CNKSR2: variants seen among roughly 807,000 people sequenced by gnomAD.
CNKSR2 encodes connector enhancer of kinase suppressor of Ras 2.
In CNKSR2, 14 loss-of-function variants were observed where a neutral mutation model predicts 84.4. That is an observed-to-expected ratio of 0.17 (90% CI 0.11 to 0.26). The LOEUF (loss-of-function observed/expected upper bound fraction) is 0.26. Ranked by LOEUF, CNKSR2 falls within the 10% of genes least tolerant of loss-of-function variation. The probability of loss-of-function intolerance (pLI) is 1.00; values close to 1 mark genes in which losing one functional copy is unlikely to be tolerated. For synonymous variants in CNKSR2, 275 were observed against 277.9 expected, an observed-to-expected ratio of 0.99 and a Z score of 0.10; for missense variants, 485 against 771.2, an observed-to-expected ratio of 0.63 and a Z score of 4.40.
intron 4 of CNKSR2, among the ~76,000 whole-genome samples, chrX:21,443,901 T>C (rs887873829): frequency 7.2e-5 from 8 of 111,688 alleles, no homozygotes; most frequent in African/African-American, 2.6e-4. Context: ...TTCTATTCAC[T>C]TGTGTTACCT....
intron 1 of CNKSR2, chrX:21,424,741 A>G (rs2090543153): frequency 8.9e-6 from 1 of 112,009 alleles, no homozygotes; most frequent in African/African-American, 3.2e-5. Context: ...AGTGTCTGAC[A>G]AATAATTCCT....
intron 1 of CNKSR2, among the ~76,000 whole-genome samples, chrX:21,418,478 T>G (rs1286853208): frequency 1.8e-5 from 2 of 112,050 alleles, no homozygotes; most frequent in African/African-American, 6.5e-5. Flanking sequence ...GCAGGACAGG[T>G]CTCATGTTGA....
rs1384025091 is a variant in CNKSR2, at chrX:21,391,277, A to G, written c.64+16316A>G. ...TGGGGACTCTGTGTGTGGGCCCCAC[A>G]TTTCCCCCCCACATTGCCCTAGTAG... is the stretch of plus-strand genomic sequence containing the variant. On this transcript the variant is annotated intron_variant, in intron 1 of 21. Transcript: ENST00000379510. Among the ~76,000 whole-genome samples the G allele has an allele frequency of 2.7e-5, 3 of 112,248 alleles. No homozygotes were observed. The East Asian group carries it at 8.4e-4, about 31-fold the overall frequency.
rs1176935775 is a variant in CNKSR2 at position 21,609,367 on chromosome X, A to G, written c.2442A>G (p.Lys814=). Residue 814 remains lysine (K), a synonymous_variant, in exon 20 of 22, where the codon AAA becomes AAG. Coordinates refer to ENST00000379510, the MANE Select transcript of CNKSR2 (RefSeq NM_014927.5). The part of the protein sequence containing the change: ...HRRQSTLPTQ[K]CHLQDHYGPY... ...GGCAGTCTACCCTGCCAACTCAGAA[A>G]TGCCACCTGCAGGATCACTATGGGC... The G allele has an allele frequency of 8.3e-7, 1 of 1,211,810 alleles. No individual in the cohort carries two copies. Among genetic ancestry groups the G allele is most frequent in the Non-Finnish European group, 1.1e-6 (1 of 895,542 alleles).
chrX:21,649,955 G>C (rs1427683885), intron 21 of CNKSR2, among the ~76,000 whole-genome samples: 2 of 111,856 alleles, frequency 1.8e-5, no homozygotes, highest in Non-Finnish European at 3.8e-5. Flanking sequence ...GGAGAAATAG[G>C]AACTCTTTTA....
At chrX:21,614,613 G>A (rs2092568262) in intron 20 of CNKSR2, among the ~76,000 whole-genome samples, 1 of 111,294 alleles carries the variant, frequency 9.0e-6, no homozygotes, top group Non-Finnish European at 1.9e-5. Context: ...CTAGAAAGTA[G>A]TGAGAAAATT....
At chrX:21,591,949 T>TA (rs1266022648) in intron 15 of CNKSR2, 3 of 112,064 alleles carry the variant, frequency 2.7e-5, no homozygotes, top group East Asian at 2.8e-4. Context: ...CCTTATTTTA[T>TA]AAAAAATGTA....
intron 5 of CNKSR2, among the ~76,000 whole-genome samples, chrX:21,487,833 A>T (rs970005940): frequency 6.2e-5 from 7 of 112,365 alleles, no homozygotes; most frequent in Non-Finnish European, 1.1e-4. Flanking sequence ...GGATTCCAGG[A>T]TGGGCCACAT....
intron 4 of CNKSR2, among the ~76,000 whole-genome samples, chrX:21,456,759 G>A (rs530544707): frequency 9.0e-6 from 1 of 111,166 alleles, no homozygotes; most frequent in East Asian, 2.8e-4. Context: ...TAATATAGTC[G>A]TTCTATTTTT....
At position 21,594,888 on chromosome X, in the gene CNKSR2, T is replaced by C. The variant is rs2092442957; in HGVS notation, c.1831-86T>C. ...GGAATTAAAGGAACGGATTTATTAG[T>C]ACAGATATCTAAGCCATAGTTACAG... On this transcript the variant is annotated intron_variant, in intron 15 of 21. Coordinates refer to ENST00000379510, the MANE Select transcript of CNKSR2 (RefSeq NM_014927.5). 5.9e-6 allele frequency: 4 copies of C among 680,097 alleles called. No homozygotes were observed. The South Asian group carries it at 1.1e-4, about 19-fold the overall frequency. 56.0% of individuals were successfully genotyped at this position (680,097 alleles called of 1,213,427 possible). A position where few individuals can be genotyped will look rare whatever the true frequency, so the allele number is the denominator to read the frequency against.
At chrX:21,399,488 T>A (rs2090160974) in intron 1 of CNKSR2, among the ~76,000 whole-genome samples, 1 of 111,863 alleles carries the variant, frequency 8.9e-6, no homozygotes, top group African/African-American at 3.2e-5. Context: ...TCTGTATGTT[T>A]GGGTAATATT....
intron 8 of CNKSR2, among the ~76,000 whole-genome samples, chrX:21,513,816 T>C (rs751201600): frequency 5.3e-5 from 6 of 112,241 alleles, no homozygotes; most frequent in Non-Finnish European, 1.1e-4. Context: ...TCTGCAGTTT[T>C]GGTGGAAATT....
intron 18 of CNKSR2, among the ~76,000 whole-genome samples, chrX:21,601,611 G>C (rs1400104467): frequency 3.6e-5 from 4 of 111,814 alleles, no homozygotes; most frequent in African/African-American, 1.3e-4. Context: ...TCTTAAAAAT[G>C]GAAAAAGTCT....
At chrX:21,397,260 G>T (rs913327573) in intron 1 of CNKSR2, among the ~76,000 whole-genome samples, 1 of 111,371 alleles carries the variant, frequency 9.0e-6, no homozygotes, top group African/African-American at 3.3e-5. Flanking sequence ...TAAGTGGTTT[G>T]CTGTGCTGAA....
chrX:21,566,162 T>A (rs758229233), intron 13 of CNKSR2, among the ~76,000 whole-genome samples: 2 of 111,637 alleles, frequency 1.8e-5, no homozygotes, highest in Non-Finnish European at 3.8e-5. Flanking sequence ...ATGTTTTCAG[T>A]GCCTGGATTG....
chrX:21,413,956 A>T (rs192670969), intron 1 of CNKSR2, among the ~76,000 whole-genome samples: 5 of 110,937 alleles, frequency 4.5e-5, no homozygotes, highest in African/African-American at 1.6e-4. Flanking sequence ...CATTCTTCAC[A>T]GAAATAGAAA....
chrX:21,503,893 TTCTTC>T (rs2091584779), intron 8 of CNKSR2: 1 of 111,489 alleles, frequency 9.0e-6, no homozygotes, highest in South Asian at 3.7e-4. Flanking sequence ...GCAACCGCCT[TTCTTC>T]TCTTTTACCT....
intron 20 of CNKSR2, 41 bp from the exon 21 acceptor site, chrX:21,648,790 C>CTTTTTT: frequency 9.1e-6 from 6 of 660,743 alleles, no homozygotes; most frequent in Middle Eastern, 4.9e-4. Flanking sequence ...CTCTCTCTCT[C>CTTTTTT]TTTCTTTTTT....
chrX:21,464,125 A>G (rs1367483004), intron 4 of CNKSR2, among the ~76,000 whole-genome samples: 1 of 112,464 alleles, frequency 8.9e-6, no homozygotes, highest in African/African-American at 3.2e-5. Context: ...TGGAAACTCA[A>G]GTTCAGATGG....
Sources: gnomAD v4.1 joint callset for allele counts (sites outside exome capture counted in the v4.1 genomes callset) on GRCh38, gnomAD v4.1.1 for gene constraint, MANE v1.5 for transcripts, NCBI Gene and HGNC (gene_info 2026-07-23, HGNC 2026-07-21) for gene names.